Variants in CD48 observed in about 807,000 individuals in gnomAD.
CD48 encodes CD48 molecule.
Under a neutral mutation model 22.0 loss-of-function variants are expected in CD48, and 20 were observed. That is an observed-to-expected ratio of 0.91 (90% confidence interval 0.64 to 1.32). The LOEUF is 1.32. CD48 is among the 40% of genes most tolerant of loss of function. CD48 has a pLI of 0.00. For missense variants in CD48, 307 were observed against 286.5 expected (o/e 1.07, Z -0.52); for synonymous variants, 110 against 110.1 (o/e 1.00, Z 0.01).
intron 1 of CD48, among the ~76,000 whole-genome samples, chr1:160,705,856 G>T (rs1662773985): frequency 6.6e-6 from 1 of 152,158 alleles, no homozygotes; most frequent in South Asian, 2.1e-4. Context: ...CCCACTAGGT[G>T]CCAGTAACAC....
At chr1:160,707,662 A>G (rs548532677) in intron 1 of CD48, among the ~76,000 whole-genome samples, 50 of 152,240 alleles carry the variant, frequency 3.3e-4, no homozygotes, top group African/African-American at 1.1e-3. Context: ...CAGAGGACTG[A>G]GGTAAGGGGC....
chr1:160,697,886 A>G (rs1248084933), intron 1 of CD48, among the ~76,000 whole-genome samples: 3 of 152,176 alleles, frequency 2.0e-5, no homozygotes, highest in African/African-American at 7.2e-5. Context: ...CTTAACAGAA[A>G]GTCTAGACAA....
At chr1:160,698,096 A>G (rs1473310612) in intron 1 of CD48, among the ~76,000 whole-genome samples, 3 of 152,190 alleles carry the variant, frequency 2.0e-5, no homozygotes, top group African/African-American at 7.2e-5. Flanking sequence ...GCCATTTTAT[A>G]CTATCGACCT....
chr1:160,694,007 A>C (rs1475233759), intron 1 of CD48, among the ~76,000 whole-genome samples: 2 of 152,228 alleles, frequency 1.3e-5, no homozygotes, highest in South Asian at 4.1e-4. Context: ...CCCACAAAAA[A>C]TCCCCACAGG....
chr1:160,707,428 A>G (rs1276660035), intron 1 of CD48, among the ~76,000 whole-genome samples: 1 of 152,128 alleles, frequency 6.6e-6, no homozygotes, highest in Non-Finnish European at 1.5e-5. Flanking sequence ...GTGATTGACG[A>G]GCCTGGGCTA....
At chr1:160,691,607 T>C (rs981305799) in intron 1 of CD48, 73 of 186,634 alleles carry the variant, frequency 3.9e-4, no homozygotes, top group Middle Eastern at 4.3e-3. Flanking sequence ...CAGAGGCTGG[T>C]GGGATCCTCC....
At chr1:160,704,934 AG>A (rs1662747517) in intron 1 of CD48, among the ~76,000 whole-genome samples, 1 of 152,150 alleles carries the variant, frequency 6.6e-6, no homozygotes, top group South Asian at 2.1e-4. Flanking sequence ...TTGTGGAGGG[AG>A]AACTTAGAAT....
chr1:160,701,426 G>A (rs902781170), intron 1 of CD48, among the ~76,000 whole-genome samples: 5 of 151,788 alleles, frequency 3.3e-5, no homozygotes, highest in South Asian at 2.1e-4. Context: ...TTTAGAAAGC[G>A]GCCACTGCTG....
At chr1:160,680,809 C>T (rs780029775) in intron 3 of CD48, 70 of 1,168,766 alleles carry the variant, frequency 6.0e-5, no homozygotes, top group East Asian at 4.3e-4. Flanking sequence ...TGGCTGACTT[C>T]GGCTGTCTAA....
At chr1:160,701,888 C>G (rs552083871) in intron 1 of CD48, among the ~76,000 whole-genome samples, 1 of 152,278 alleles carries the variant, frequency 6.6e-6, no homozygotes, top group African/African-American at 2.4e-5. Context: ...GGCCCTCAAA[C>G]TTTTTTCCTT....
chr1:160,701,811 T>A (rs926474660), intron 1 of CD48, among the ~76,000 whole-genome samples: 3 of 152,196 alleles, frequency 2.0e-5, no homozygotes, highest in African/African-American at 7.2e-5. Flanking sequence ...CTTAGTGGGA[T>A]GTTTAAGCCA....
At chr1:160,686,586 G>T (rs1381791757) in intron 1 of CD48, 1 of 152,162 alleles carries the variant, frequency 6.6e-6, no homozygotes, top group Non-Finnish European at 1.5e-5. Flanking sequence ...TATTCACATA[G>T]GTTCTTTTCT....
At chr1:160,694,436 A>G (rs552873195) in intron 1 of CD48, among the ~76,000 whole-genome samples, 1 of 151,620 alleles carries the variant, frequency 6.6e-6, no homozygotes, top group East Asian at 1.9e-4. Flanking sequence ...AAAGACTGTT[A>G]CAGGACTTGT....
chr1:160,701,947 A>G (rs889977428), intron 1 of CD48, among the ~76,000 whole-genome samples: 3 of 152,182 alleles, frequency 2.0e-5, no homozygotes, highest in African/African-American at 7.2e-5. Flanking sequence ...ACATTAATCC[A>G]GTAAGTGGCC....
At chr1:160,697,991 G>C (rs1314005371) in intron 1 of CD48, among the ~76,000 whole-genome samples, 4 of 152,168 alleles carry the variant, frequency 2.6e-5, no homozygotes, top group African/African-American at 9.7e-5. Context: ...TCCTGTTTCT[G>C]GTCCTGAACA....
At chr1:160,709,100 C>T (rs1204241146) in intron 1 of CD48, among the ~76,000 whole-genome samples, 2 of 152,150 alleles carry the variant, frequency 1.3e-5, no homozygotes, top group Non-Finnish European at 2.9e-5. Flanking sequence ...AATCTGTGGG[C>T]AAAGTAAATC....
At chr1:160,684,856 G>A in intron 2 of CD48, 31 bp downstream of exon 2, 1 of 1,614,032 alleles carries the variant, frequency 6.2e-7, no homozygotes, top group African/African-American at 1.3e-5. Flanking sequence ...CCACTGGAGT[G>A]GGGATTTGCT....
At chr1:160,701,389 C>T (rs147165391) in intron 1 of CD48, among the ~76,000 whole-genome samples, 26 of 151,856 alleles carry the variant, frequency 1.7e-4, no homozygotes, top group South Asian at 6.3e-4. Flanking sequence ...GCTCAGAAAC[C>T]AATTGATTTA....
intron 1 of CD48, among the ~76,000 whole-genome samples, chr1:160,701,701 A>G (rs1662634985): frequency 6.6e-6 from 1 of 152,186 alleles, no homozygotes; most frequent in Non-Finnish European, 1.5e-5. Flanking sequence ...GGCATGATAT[A>G]GGGCTGAATT....
Sources: gnomAD v4.1 joint callset for allele counts (sites outside exome capture counted in the v4.1 genomes callset) on GRCh38, gnomAD v4.1.1 for gene constraint, MANE v1.5 for transcripts, NCBI Gene and HGNC (gene_info 2026-07-23, HGNC 2026-07-21) for gene names.